KRT72: variants seen among roughly 807,000 people sequenced by gnomAD.
KRT72 encodes keratin 72.
KRT72 carries 44 observed loss-of-function variants against 44.7 expected under a neutral mutation model. That is an observed-to-expected ratio of 0.98 (90% CI 0.77 to 1.27). The LOEUF is 1.27. Ranked by LOEUF, KRT72 falls within the 50% of genes most tolerant of loss-of-function variation. The probability of loss-of-function intolerance (pLI) is 0.00; values close to 1 mark genes in which losing one functional copy is unlikely to be tolerated. For missense variants in KRT72, 736 were observed against 667.1 expected, an observed-to-expected ratio of 1.10 and a Z score of -1.14; for synonymous variants, 302 against 280.4, an observed-to-expected ratio of 1.08 and a Z score of -0.77.
chr12:52,594,430 T>TA (rs1193078253), intron 2 of KRT72, among the ~76,000 whole-genome samples: 5 of 148,032 alleles, frequency 3.4e-5, no homozygotes, highest in African/African-American at 1.2e-4. Flanking sequence ...TATGCAGCCA[T>TA]AAAAAAGGAT....
chr12:52,596,960 G>T (rs989466957), intron 2 of KRT72, among the ~76,000 whole-genome samples: 1 of 152,152 alleles, frequency 6.6e-6, no homozygotes, highest in Non-Finnish European at 1.5e-5. Context: ...GAAAATTGGA[G>T]TCCAAACAGG....
At chr12:52,590,996 G>T (rs764275254) in intron 5 of KRT72, 35 bp from the exon 6 acceptor site, 1 of 1,557,162 alleles carries the variant, frequency 6.4e-7, no homozygotes. Flanking sequence ...GGAACACAAG[G>T]ATCCTACTGA....
chr12:52,587,112 C>T lies in KRT72; in HGVS notation c.1311-132G>A, dbSNP rs1939790214. ...AACCCATCCTAGCCTCCTTTCTTCC[C>T]ACACATCCCAGTGCGACCCCCACCA... On this transcript the variant is annotated intron_variant, in intron 7 of 8. Transcript: ENST00000293745. 5.0e-6 allele frequency: 4 copies of T among 804,268 alleles called. No homozygotes were observed. In the Admixed American group the frequency reaches 6.0e-5, roughly 12 times the overall value. The allele number at this position is 804,268 out of a possible 1,614,324, so 49.8% of individuals were successfully genotyped here.
At chr12:52,600,435 C>A (rs753571503) in intron 1 of KRT72, among the ~76,000 whole-genome samples, 9 of 152,156 alleles carry the variant, frequency 5.9e-5, no homozygotes, top group Non-Finnish European at 1.3e-4. Context: ...GTCCTTGATA[C>A]GTTTTGGCTG....
chr12:52,588,397 G>A (rs998269659), intron 6 of KRT72, among the ~76,000 whole-genome samples: 1 of 152,156 alleles, frequency 6.6e-6, no homozygotes, highest in Non-Finnish European at 1.5e-5. Flanking sequence ...TACTTAACTG[G>A]GAACGGAAAA....
chr12:52,592,989 C>A (rs1940107040), intron 2 of KRT72, 37 bp from the exon 3 acceptor site: 1 of 1,589,932 alleles, frequency 6.3e-7, no homozygotes. Context: ...TTCAGTTCTG[C>A]AAACACTCAC....
rs1437127403 is a variant in KRT72, at chr12:52,586,181, G to C, written c.1346-9C>G. On this transcript the variant is annotated splice_polypyrimidine_tract_variant and intron_variant, in intron 8 of 8. Transcript: ENST00000293745. Reference sequence around the variant, plus strand: ...GGTGCTGCTGATGACGGCTGGAATGGATGAGAGAAGACCTCAGCCCCCGTC... The same window carrying C: ...GGTGCTGCTGATGACGGCTGGAATGCATGAGAGAAGACCTCAGCCCCCGTC... 3.7e-6 allele frequency: 6 copies of C among 1,610,350 alleles called. No individual in the cohort carries two copies. Among genetic ancestry groups the C allele is most frequent in the Non-Finnish European group, 5.1e-6 (6 of 1,177,578 alleles).
intron 2 of KRT72, among the ~76,000 whole-genome samples, chr12:52,597,567 G>A (rs1197142077): frequency 6.6e-6 from 1 of 152,168 alleles, no homozygotes; most frequent in South Asian, 2.1e-4. Context: ...TAATCCCCAC[G>A]ACAGCCCTAT....
chr12:52,602,586 G>T (rs1328594843), upstream of KRT72, among the ~76,000 whole-genome samples: 1 of 152,206 alleles, frequency 6.6e-6, no homozygotes, highest in African/African-American at 2.4e-5. Context: ...TTCTTAAGCT[G>T]CCAGAGTCCT....
chr12:52,599,208 GGA>G, intron 1 of KRT72, 96 bp from the exon 2 acceptor site: 1 of 1,168,292 alleles, frequency 8.6e-7, no homozygotes, highest in Non-Finnish European at 1.3e-6. Flanking sequence ...CCATCCTGGG[GGA>G]CTGGGGGTAG....
rs547084372 is a variant in KRT72 at position 52,585,998 on chromosome 12, T to C, written c.1520A>G (p.Lys507Arg). The C allele has an allele frequency of 1.2e-5, 20 of 1,613,434 alleles. No individual in the cohort carries two copies. Among genetic ancestry groups the C allele is most frequent in the Non-Finnish European group, 1.7e-5 (20 of 1,179,590 alleles). The stretch of plus-strand genomic sequence containing the variant: ...ACTTGTCCATCATCTGGAGGCCTTT[T>C]TGGTGGCACAGCTGCTCCCCGAGGT... Reference protein sequence around the residue: ...AKTSGSSCATKKASR With the variant: ...AKTSGSSCATRKASR Residue 507 changes from lysine to arginine, a missense_variant, in exon 9 of 9, where the codon AAA becomes AGA. Lys to Arg is a conservative substitution (Grantham distance 26, BLOSUM62 2). Coordinates refer to ENST00000293745, the MANE Select transcript of KRT72 (RefSeq NM_080747.3).
At chr12:52,589,852 T>C (rs1410068760) in intron 6 of KRT72, among the ~76,000 whole-genome samples, 3 of 152,208 alleles carry the variant, frequency 2.0e-5, no homozygotes, top group Non-Finnish European at 4.4e-5. Flanking sequence ...TTAAACACTG[T>C]AGTAGAATAC....
chr12:52,587,574 C>A (rs1314610043), intron 7 of KRT72, 57 bp downstream of exon 7: 2 of 1,579,246 alleles, frequency 1.3e-6, no homozygotes, highest in Non-Finnish European at 1.7e-6. Flanking sequence ...TGCCTTGGAG[C>A]TTCCTACCAA....
intron 6 of KRT72, among the ~76,000 whole-genome samples, chr12:52,590,345 C>G (rs1207782548): frequency 2.0e-5 from 3 of 152,204 alleles, no homozygotes; most frequent in African/African-American, 7.2e-5. Flanking sequence ...GCTGGATTCT[C>G]TCTCCTCCCA....
At chr12:52,589,985 G>A (rs1939934768) in intron 6 of KRT72, among the ~76,000 whole-genome samples, 1 of 151,486 alleles carries the variant, frequency 6.6e-6, no homozygotes, top group Non-Finnish European at 1.5e-5. Context: ...CAGAGGAGTA[G>A]TGCGTGTGTG....
intron 5 of KRT72, 112 bp downstream of exon 5, chr12:52,591,352 G>T: frequency 1.0e-6 from 1 of 995,672 alleles, no homozygotes; most frequent in Non-Finnish European, 1.4e-6. Flanking sequence ...TCTTGACTGA[G>T]CCCAAATACA....
At chr12:52,591,367 C>A in intron 5 of KRT72, 97 bp downstream of exon 5, 2 of 1,334,344 alleles carry the variant, frequency 1.5e-6, no homozygotes, top group Non-Finnish European at 2.1e-6. Flanking sequence ...AATACACACA[C>A]ACACACAAAC....
chr12:52,597,769 C>A (rs1194702610), intron 2 of KRT72, among the ~76,000 whole-genome samples: 3 of 152,214 alleles, frequency 2.0e-5, no homozygotes, highest in Admixed American at 2.0e-4. Context: ...TACTGTCTGG[C>A]TGGCATTATC....
rs1436379807 is a variant in KRT72 at position 52,590,831 on chromosome 12, C to A, written c.1089+5G>T. The A allele has an allele frequency of 3.2e-6, 5 of 1,568,802 alleles. No individual in the cohort carries two copies. The African/African-American group carries it at 6.8e-5, about 21-fold the overall frequency. ...CTGTTAGTGGATTAATTTCATAGAA[C>A]CCACCTGCTTCTTCACATTCCCTAT... On this transcript the variant is annotated splice_donor_5th_base_variant and intron_variant, in intron 6 of 8. Coordinates refer to ENST00000293745, the MANE Select transcript of KRT72 (RefSeq NM_080747.3).
Sources: allele counts gnomAD v4.1 joint callset (sites outside exome capture counted in the v4.1 genomes callset), GRCh38; gene constraint gnomAD v4.1.1; transcripts MANE v1.5; gene names NCBI Gene and HGNC (gene_info 2026-07-23, HGNC 2026-07-21).